TEAD1: variants seen among roughly 807,000 people sequenced by gnomAD.
TEAD1 encodes the protein TEA domain transcription factor 1, also known as transcriptional enhancer factor TEF-1.
TEAD1 carries 9 observed loss-of-function variants against 54.9 expected under a neutral mutation model. That is an observed-to-expected ratio of 0.16 (90% CI 0.10 to 0.29). TEAD1 has a LOEUF of 0.29. Among genes scored for constraint, TEAD1 ranks in the 10% least tolerant of loss-of-function variants. The probability of loss-of-function intolerance (pLI) is 1.00; values close to 1 mark genes in which losing one functional copy is unlikely to be tolerated. For synonymous variants in TEAD1, 200 were observed against 187.8 expected (o/e 1.07, Z -0.53); for missense variants, 387 against 535.9 (o/e 0.72, Z 2.74).
chr11:12,814,209 C>T (rs770638813), intron 3 of TEAD1, among the ~76,000 whole-genome samples: 1 of 152,136 alleles, frequency 6.6e-6, no homozygotes, highest in Non-Finnish European at 1.5e-5. Context: ...CTGACCGAGG[C>T]CAGAGACCAC....
chr11:12,742,746 T>C (rs1209279396), intron 2 of TEAD1, among the ~76,000 whole-genome samples: 1 of 152,204 alleles, frequency 6.6e-6, no homozygotes, highest in Non-Finnish European at 1.5e-5. Context: ...AAGGAAAGTC[T>C]TGACTCCTAC....
At chr11:12,813,679 G>A (rs889237236) in intron 3 of TEAD1, among the ~76,000 whole-genome samples, 3 of 152,324 alleles carry the variant, frequency 2.0e-5, no homozygotes, top group African/African-American at 7.2e-5. Context: ...TTGCAGGGCT[G>A]TATAAGGATT....
chr11:12,705,718 G>C (rs891360539), intron 2 of TEAD1, among the ~76,000 whole-genome samples: 1 of 151,996 alleles, frequency 6.6e-6, no homozygotes, highest in Non-Finnish European at 1.5e-5. Context: ...CTTTTAGTTC[G>C]GTGCTATACA....
chr11:12,753,398 A>G (rs1231184923), intron 2 of TEAD1, among the ~76,000 whole-genome samples: 5 of 152,186 alleles, frequency 3.3e-5, no homozygotes, highest in Non-Finnish European at 5.9e-5. Flanking sequence ...GTTCTTTGAG[A>G]ATTCCATTTA....
At chr11:12,819,226 G>A (rs940494083) in intron 3 of TEAD1, among the ~76,000 whole-genome samples, 1 of 151,744 alleles carries the variant, frequency 6.6e-6, no homozygotes, top group African/African-American at 2.4e-5. Flanking sequence ...TTGTACTGGT[G>A]ACTGAGTGAC....
At chr11:12,902,911 G>T (rs1948450063) in intron 10 of TEAD1, among the ~76,000 whole-genome samples, 1 of 151,938 alleles carries the variant, frequency 6.6e-6, no homozygotes, top group Non-Finnish European at 1.5e-5. Flanking sequence ...TGAGACAATA[G>T]CTCCACTATA....
chr11:12,697,673 ACT>A (rs1290302105), intron 2 of TEAD1, among the ~76,000 whole-genome samples: 1 of 152,000 alleles, frequency 6.6e-6, no homozygotes, highest in Non-Finnish European at 1.5e-5. Flanking sequence ...AAATATGGAA[ACT>A]CTGTGCTTTA....
intron 3 of TEAD1, among the ~76,000 whole-genome samples, chr11:12,783,938 AG>A (rs1345336552): frequency 6.6e-6 from 1 of 152,080 alleles, no homozygotes; most frequent in Non-Finnish European, 1.5e-5. Context: ...ATACACAGGA[AG>A]GGGGGATGGG....
At chr11:12,906,749 G>C (rs1228808891) in intron 10 of TEAD1, among the ~76,000 whole-genome samples, 1 of 152,088 alleles carries the variant, frequency 6.6e-6, no homozygotes, top group Non-Finnish European at 1.5e-5. Context: ...CAATTTGCCT[G>C]TTCTAGACAT....
At chr11:12,855,709 C>G (rs111657613) in intron 3 of TEAD1, among the ~76,000 whole-genome samples, 2 of 151,624 alleles carry the variant, frequency 1.3e-5, no homozygotes, top group African/African-American at 4.8e-5. Context: ...TTTGGGAGGC[C>G]AAGGCAGGAG....
intron 3 of TEAD1, among the ~76,000 whole-genome samples, chr11:12,854,105 G>C (rs1459663194): frequency 6.6e-6 from 1 of 152,172 alleles, no homozygotes; most frequent in Non-Finnish European, 1.5e-5. Flanking sequence ...TGTTTCTGGT[G>C]ATTTTCCACA....
At chr11:12,676,461 T>C (rs775043307) in intron 2 of TEAD1, among the ~76,000 whole-genome samples, 12 of 152,228 alleles carry the variant, frequency 7.9e-5, no homozygotes, top group Non-Finnish European at 1.2e-4. Context: ...TGGGGAACAG[T>C]CTTCAGGCTA....
intron 3 of TEAD1, among the ~76,000 whole-genome samples, chr11:12,801,863 A>G (rs1946066457): frequency 6.6e-6 from 1 of 152,190 alleles, no homozygotes. Flanking sequence ...TTAAGAGTGT[A>G]AAAAAAGGAA....
intron 3 of TEAD1, among the ~76,000 whole-genome samples, chr11:12,840,547 G>A (rs192163066): frequency 7.5e-4 from 114 of 152,194 alleles, no homozygotes; most frequent in Admixed American, 5.0e-3. Context: ...TCACTTTCAC[G>A]AAATAAATGG....
intron 3 of TEAD1, among the ~76,000 whole-genome samples, chr11:12,792,302 A>G (rs1348900149): frequency 6.7e-6 from 1 of 150,188 alleles, no homozygotes; most frequent in African/African-American, 2.4e-5. Context: ...TGGGGGTGAG[A>G]AGGGTAAAGA....
intron 2 of TEAD1, among the ~76,000 whole-genome samples, chr11:12,710,570 A>T (rs1397082640): frequency 4.6e-5 from 7 of 152,158 alleles, no homozygotes; most frequent in Non-Finnish European, 1.0e-4. Flanking sequence ...TAATTCATTT[A>T]TTTAATAAAG....
intron 3 of TEAD1, among the ~76,000 whole-genome samples, chr11:12,820,483 G>A (rs537658243): frequency 6.6e-6 from 1 of 152,242 alleles, no homozygotes; most frequent in East Asian, 1.9e-4. Context: ...CAGATCTTAG[G>A]AGTTACAGGT....
At chr11:12,928,905 G>A (rs928893101) in intron 11 of TEAD1, among the ~76,000 whole-genome samples, 5 of 152,204 alleles carry the variant, frequency 3.3e-5, no homozygotes, top group Non-Finnish European at 5.9e-5. Context: ...AGCAGTTTTC[G>A]AGGATACAGC....
intron 2 of TEAD1, among the ~76,000 whole-genome samples, chr11:12,727,189 G>A (rs1006260551): frequency 1.3e-5 from 2 of 152,166 alleles, no homozygotes; most frequent in African/African-American, 2.4e-5. Flanking sequence ...GCAGTGAGCC[G>A]AGATGGCACC....
Sources: gnomAD v4.1 joint callset for allele counts (sites outside exome capture counted in the v4.1 genomes callset) on GRCh38, gnomAD v4.1.1 for gene constraint, MANE v1.5 for transcripts, NCBI Gene and HGNC (gene_info 2026-07-23, HGNC 2026-07-21) for gene names.